PWWP2A: variants seen among roughly 807,000 people sequenced by gnomAD.
The protein encoded by PWWP2A is PWWP domain containing 2A.
Under a neutral mutation model 48.5 loss-of-function variants are expected in PWWP2A, and 18 were observed. That is an observed-to-expected ratio of 0.37 (90% confidence interval 0.26 to 0.55). The LOEUF (loss-of-function observed/expected upper bound fraction) is 0.55. Among genes scored for constraint, PWWP2A ranks in the 20% least tolerant of loss-of-function variants. The pLI is 0.81. For synonymous variants in PWWP2A, 396 were observed against 387.7 expected (o/e 1.02, Z -0.25); for missense variants, 867 against 976.4 (o/e 0.89, Z 1.49).
rs1753963506 is a variant in PWWP2A, at chr5:160,077,831, A to T, written c.*324T>A. 4 of 320,786 alleles carry T rather than the reference A, an allele frequency of 1.2e-5. No homozygotes were observed. Among genetic ancestry groups the T allele is most frequent in the Admixed American group, 4.3e-5 (1 of 23,108 alleles). 19.9% of individuals were successfully genotyped at this position (320,786 alleles called of 1,614,324 possible). ...GGCCTGTCCAAACTGTACTGATAAGAACTTCACATTCCAAAGAAGTTACTG... is the reference window on the plus strand; with the variant it reads ...GGCCTGTCCAAACTGTACTGATAAGTACTTCACATTCCAAAGAAGTTACTG... On this transcript the variant is annotated 3_prime_UTR_variant, in exon 4 of 4. Transcript: ENST00000456329. The surrounding 1 kb of genome is among the most constrained non-coding windows in gnomAD (Gnocchi z 4.2).
downstream of PWWP2A, among the ~76,000 whole-genome samples, chr5:160,075,641 G>A (rs1191029115): frequency 6.6e-6 from 1 of 151,822 alleles, no homozygotes; most frequent in African/African-American, 2.4e-5. Flanking sequence ...TGTTATGTTT[G>A]TGCACAGGGT....
In PWWP2A at chr5:160,104,586, T is replaced by C. The variant is rs2431582; in HGVS notation, c.585-10521A>G. On this transcript the variant is annotated intron_variant, in intron 1 of 1. Transcript: ENST00000307063. ...GGGAGGCTCAGGCGGGTGGATCACCTGAGGTCAGGAGTTCTAGACCAGCCT... is the reference window on the plus strand; with the variant it reads ...GGGAGGCTCAGGCGGGTGGATCACCCGAGGTCAGGAGTTCTAGACCAGCCT... Among the ~76,000 whole-genome samples the C allele has an allele frequency of 7.5e-3, 1,142 of 152,180 alleles. 7 individuals carry two copies. Among genetic ancestry groups the C allele is most frequent in the Non-Finnish European group, 0.012 (820 of 67,974 alleles).
chr5:160,093,870 G>C lies in PWWP2A; in HGVS notation c.780C>G (p.Ser260=). Reference sequence around the variant, plus strand: ...CTTCATGGAAGAGAGGTGGTGGTTTGGAAGTCCACAGGCTTTCAGCCAAGC... The same window carrying C: ...CTTCATGGAAGAGAGGTGGTGGTTTCGAAGTCCACAGGCTTTCAGCCAAGC... The part of the protein sequence containing the change: ...ELSLAESLWT[S]KPPPLFHEGA... The change falls in exon 2 of 2, where the codon TCC becomes TCG. Residue 260 remains serine (S), a synonymous_variant. Coordinates refer to ENST00000307063, the MANE Select transcript of PWWP2A (RefSeq NM_001130864.2). The surrounding 1 kb of genome is among the most constrained non-coding windows in gnomAD (Gnocchi z 5.8). 1.9e-6 allele frequency: 3 copies of C among 1,614,052 alleles called. No individual in the cohort carries two copies. Among genetic ancestry groups the C allele is most frequent in the Non-Finnish European group, 2.5e-6 (3 of 1,179,904 alleles).
the PWWP2A span, among the ~76,000 whole-genome samples, chr5:160,045,342 A>G: frequency 6.6e-6 from 1 of 152,044 alleles, no homozygotes; most frequent in African/African-American, 2.4e-5. Context: ...TTAAACTAAT[A>G]TTTATGTGGT....
chr5:160,062,278 T>G (rs1354035227), intron 5 of PWWP2A, among the ~76,000 whole-genome samples: 1 of 152,232 alleles, frequency 6.6e-6, no homozygotes, highest in Non-Finnish European at 1.5e-5. Flanking sequence ...ATGGTCTTTC[T>G]GCACTAGAGG....
chr5:160,119,176 T>TGGCGGC lies in PWWP2A; in HGVS notation c.207_212dup (p.Pro74_Pro75dup). ...GGGCGAGCTCCCCCGGCGGCGGCGGTGGCGGCGGGAGCGGCGGCTCGTCGG... is the reference window on the plus strand; with the variant it reads ...GGGCGAGCTCCCCCGGCGGCGGCGGTGGCGGCGGCGGCGGGAGCGGCGGCTCGTCGG... On this transcript the variant is annotated inframe_insertion, in exon 1 of 2. Transcript: ENST00000307063. 6.6e-7 allele frequency: 1 copy of TGGCGGC among 1,508,452 alleles called. No homozygotes were observed. Among genetic ancestry groups the TGGCGGC allele is most frequent in the Non-Finnish European group, 8.7e-7 (1 of 1,145,008 alleles). 93.4% of individuals were successfully genotyped at this position (1,508,452 alleles called of 1,614,324 possible). A position where few individuals can be genotyped will look rare whatever the true frequency, so the allele number is the denominator to read the frequency against.
chr5:160,080,658 T>C (rs1754164258), exon 3 of PWWP2A: 1 of 1,550,956 alleles, frequency 6.4e-7, no homozygotes, highest in Non-Finnish European at 8.7e-7. Context: ...GACCTGCCCG[T>C]TTCACTGTTA....
At chr5:160,049,711 C>A in the PWWP2A span, 1 of 1,395,734 alleles carries the variant, frequency 7.2e-7, no homozygotes, top group South Asian at 1.6e-5. Flanking sequence ...CTTTGTGTTG[C>A]TACCCAGTGA....
the PWWP2A span, among the ~76,000 whole-genome samples, chr5:160,056,086 C>T: frequency 4.6e-5 from 7 of 152,208 alleles, no homozygotes; most frequent in Non-Finnish European, 1.0e-4. Context: ...CTCTTCCTAA[C>T]TTAACCAAGA....
At chr5:160,086,546 A>G (rs932041225), downstream of PWWP2A, among the ~76,000 whole-genome samples, 2 of 151,640 alleles carry the variant, frequency 1.3e-5, no homozygotes, top group Non-Finnish European at 2.9e-5. Context: ...ATATACACAC[A>G]TTTTTTTTAA....
At chr5:160,076,959 T>G (rs574666482) in exon 4 of PWWP2A, 1 of 152,318 alleles carries the variant, frequency 6.6e-6, no homozygotes, top group African/African-American at 2.4e-5. Flanking sequence ...TTATTAAAAG[T>G]ACGGCACCAT....
Position 160,078,226 on chromosome 5 carries a change from G to T in PWWP2A, c.1670-58C>A. ...CGTTAAGCACAAGTAATTATATGAG[G>T]AAAATGATGTCCTTGTTGTTTAAGC... On this transcript the variant is annotated intron_variant, in intron 3 of 3. Coordinates refer to the PWWP2A transcript ENST00000456329. The surrounding 1 kb of genome is among the most constrained non-coding windows in gnomAD (Gnocchi z 4.2). 2 of 1,335,206 alleles carry T rather than the reference G, an allele frequency of 1.5e-6. No individual in the cohort carries two copies. The highest frequency in any genetic ancestry group is 2.5e-5 in the South Asian group (2 of 79,406). 82.7% of individuals were successfully genotyped at this position (1,335,206 alleles called of 1,614,324 possible).
chr5:160,058,816 TCTC>T (rs1271297906), downstream of PWWP2A, among the ~76,000 whole-genome samples: 9 of 152,178 alleles, frequency 5.9e-5, no homozygotes, highest in Non-Finnish European at 7.3e-5. Flanking sequence ...ACAACTTTAA[TCTC>T]CTTGTTCATC....
At chr5:160,083,175 C>A (rs575616371) in intron 2 of PWWP2A, among the ~76,000 whole-genome samples, 1 of 152,288 alleles carries the variant, frequency 6.6e-6, no homozygotes, top group South Asian at 2.1e-4. Context: ...ATTTTTCTAA[C>A]CAGCTCTTTT....
chr5:160,089,008 G>GT (rs891585699), downstream of PWWP2A, among the ~76,000 whole-genome samples: 1 of 152,106 alleles, frequency 6.6e-6, no homozygotes, highest in Non-Finnish European at 1.5e-5. Context: ...GTTGATTTTA[G>GT]TATCAGTTCC....
the PWWP2A span, among the ~76,000 whole-genome samples, chr5:160,045,474 A>G: frequency 8.9e-5 from 9 of 100,700 alleles, no homozygotes; most frequent in South Asian, 3.6e-3. Flanking sequence ...ACACACACAC[A>G]CACACACACA....
the PWWP2A span, among the ~76,000 whole-genome samples, chr5:160,052,114 G>A: frequency 3.3e-5 from 5 of 152,340 alleles, no homozygotes; most frequent in South Asian, 8.3e-4. Context: ...GACTCAGACT[G>A]TAAAGACGGC....
the PWWP2A span, among the ~76,000 whole-genome samples, chr5:160,049,980 G>A: frequency 3.9e-5 from 6 of 152,310 alleles, no homozygotes; most frequent in East Asian, 9.6e-4. Context: ...TCGGGAGGCA[G>A]GAGAATTGCT....
chr5:160,066,126 G>C (rs1178692661), intron 4 of PWWP2A, among the ~76,000 whole-genome samples: 2 of 151,662 alleles, frequency 1.3e-5, no homozygotes, highest in Admixed American at 1.3e-4. Context: ...TCTTCTTTTG[G>C]TCAAAGTGAA....
Sources: gnomAD v4.1 joint callset for allele counts (sites outside exome capture counted in the v4.1 genomes callset) on GRCh38, gnomAD v4.1.1 for gene constraint, Gnocchi (gnomAD v3.1) non-coding constraint, MANE v1.5 for transcripts, NCBI Gene and HGNC (gene_info 2026-07-23, HGNC 2026-07-21) for gene names.